CDK19: variants seen among roughly 807,000 people sequenced by gnomAD.
CDK19 encodes the protein cyclin-dependent kinase 19.
Under a neutral mutation model 68.3 loss-of-function variants are expected in CDK19, and 20 were observed. The observed-to-expected ratio is 0.29, with a 90% CI of 0.21 to 0.43. The LOEUF is 0.43. Ranked by LOEUF, CDK19 falls within the 20% of genes least tolerant of loss-of-function variation. The pLI, the probability that CDK19 is intolerant of heterozygous loss-of-function variation, is 1.00. For synonymous variants in CDK19, 221 were observed against 222.8 expected, an observed-to-expected ratio of 0.99 and a Z score of 0.07; for missense variants, 339 against 623.5, an observed-to-expected ratio of 0.54 and a Z score of 4.86.
intron 4 of CDK19, among the ~76,000 whole-genome samples, chr6:110,659,470 A>C (rs185726615): frequency 6.6e-6 from 1 of 152,358 alleles, no homozygotes; most frequent in African/African-American, 2.4e-5. Flanking sequence ...GTTACAATTC[A>C]GCAGAAATAC....
intron 12 of CDK19, among the ~76,000 whole-genome samples, chr6:110,617,688 C>T (rs1778419757): frequency 1.4e-5 from 2 of 146,480 alleles, no homozygotes; most frequent in African/African-American, 5.0e-5. Flanking sequence ...CACACACACA[C>T]ACACACACAC....
chr6:110,643,054 CTG>C (rs1562151737), intron 4 of CDK19: 1 of 420,310 alleles, frequency 2.4e-6, no homozygotes. Flanking sequence ...AGCAAGGACA[CTG>C]AGCCTTGGGC....
chr6:110,617,214 A>T (rs1162387137), intron 12 of CDK19, among the ~76,000 whole-genome samples: 1 of 152,186 alleles, frequency 6.6e-6, no homozygotes, highest in Admixed American at 6.5e-5. Flanking sequence ...AAACCTAAAA[A>T]TATTACTCTA....
At chr6:110,695,105 G>A (rs1773354809) in intron 2 of CDK19, among the ~76,000 whole-genome samples, 1 of 151,178 alleles carries the variant, frequency 6.6e-6, no homozygotes, top group Admixed American at 6.6e-5. Flanking sequence ...CCAGAGAGTA[G>A]GACAAGGAAA....
chr6:110,714,842 T>A (rs1391806646), intron 2 of CDK19, among the ~76,000 whole-genome samples: 1 of 150,500 alleles, frequency 6.6e-6, no homozygotes, highest in Non-Finnish European at 1.5e-5. Context: ...CAAGCAATTC[T>A]CCTGCCTCAG....
chr6:110,677,558 C>T (rs1771635230), intron 2 of CDK19, among the ~76,000 whole-genome samples: 3 of 147,616 alleles, frequency 2.0e-5, no homozygotes, highest in African/African-American at 7.6e-5. Context: ...AGAGAGAGAC[C>T]CCATCTCAAC....
Position 110,815,217 on chromosome 6 carries a change from C to T in CDK19, c.-81G>A. The T allele has an allele frequency of 7.2e-7, 1 of 1,395,418 alleles. No individual in the cohort carries two copies. Among genetic ancestry groups the T allele is most frequent in the Non-Finnish European group, 9.3e-7 (1 of 1,072,918 alleles). 86.4% of individuals were successfully genotyped at this position (1,395,418 alleles called of 1,614,324 possible). ...CCTCCTCCTCCCCCCGCGACCGCCGCTCCACTTCTCCAACAGCCGCCTCTC... is the reference window on the plus strand; with the variant it reads ...CCTCCTCCTCCCCCCGCGACCGCCGTTCCACTTCTCCAACAGCCGCCTCTC... On this transcript the variant is annotated 5_prime_UTR_variant, in exon 1 of 13. Coordinates refer to ENST00000368911, the MANE Select transcript of CDK19 (RefSeq NM_015076.5).
chr6:110,623,165 A>G (rs1778821281), intron 9 of CDK19, 125 bp downstream of exon 9: 1 of 805,798 alleles, frequency 1.2e-6, no homozygotes, highest in African/African-American at 1.7e-5. Flanking sequence ...TCAACAAAAA[A>G]AATATTTAAT....
intron 2 of CDK19, among the ~76,000 whole-genome samples, chr6:110,742,469 G>C (rs1777752465): frequency 6.6e-6 from 1 of 152,144 alleles, no homozygotes; most frequent in African/African-American, 2.4e-5. Context: ...GATTTTCAGG[G>C]AACAAGGGAA....
chr6:110,745,341 A>T (rs188024067), intron 2 of CDK19, among the ~76,000 whole-genome samples: 8 of 152,250 alleles, frequency 5.3e-5, no homozygotes, highest in Middle Eastern at 3.5e-3. Flanking sequence ...ATGTACTAGT[A>T]TGATATATAA....
At chr6:110,716,486 G>A (rs1227601270) in intron 2 of CDK19, among the ~76,000 whole-genome samples, 1 of 152,154 alleles carries the variant, frequency 6.6e-6, no homozygotes, top group Non-Finnish European at 1.5e-5. Context: ...CCCAGGTGAT[G>A]CTGGTGCTGA....
At chr6:110,664,882 G>A (rs1373073796) in intron 4 of CDK19, among the ~76,000 whole-genome samples, 3 of 152,206 alleles carry the variant, frequency 2.0e-5, no homozygotes, top group Non-Finnish European at 4.4e-5. Context: ...AAGACAGATA[G>A]TATTTGAATA....
intron 8 of CDK19, 31 bp from the exon 9 acceptor site, chr6:110,623,393 G>A (rs1778837092): frequency 1.9e-6 from 3 of 1,600,272 alleles, no homozygotes; most frequent in Non-Finnish European, 2.6e-6. Context: ...ACACATCACT[G>A]GGAACACTCA....
At chr6:110,734,832 A>C (rs1777117528) in intron 2 of CDK19, among the ~76,000 whole-genome samples, 1 of 152,136 alleles carries the variant, frequency 6.6e-6, no homozygotes, top group South Asian at 2.1e-4. Flanking sequence ...AACTGTATTC[A>C]CTACTACATC....
At position 110,814,881 on chromosome 6, in the gene CDK19, G is replaced by T. The variant is rs751633263; in HGVS notation, c.128+128C>A. 12 of 1,277,702 alleles carry T rather than the reference G, an allele frequency of 9.4e-6. No individual in the cohort carries two copies. In the South Asian group the frequency reaches 1.4e-4, roughly 15 times the overall value. The allele number at this position is 1,277,702 out of a possible 1,614,324, so 79.1% of individuals were successfully genotyped here. ...CGCCCCTCGGAGTCGGTGTCCGGAC[G>T]CAACCCCGCGACCCCCTCCGCCTCG... On this transcript the variant is annotated intron_variant, in intron 1 of 12. Coordinates refer to ENST00000368911, the MANE Select transcript of CDK19 (RefSeq NM_015076.5).
rs567861775 is a variant in CDK19 at position 110,681,163 on chromosome 6, C to T, written c.205-10622G>A. ...GAGTTCACGACTGGCCTGGCCAACA[C>T]GATGAAACCCCGTCTCTACTAAAAA... is the stretch of plus-strand genomic sequence containing the variant. On this transcript the variant is annotated intron_variant, in intron 2 of 12. Transcript: ENST00000368911. 2.6e-5 allele frequency among the ~76,000 whole-genome samples: 4 copies of T among 151,954 alleles called. No homozygotes were observed. In the South Asian group the frequency reaches 8.3e-4, roughly 32 times the overall value.
intron 4 of CDK19, among the ~76,000 whole-genome samples, chr6:110,640,911 C>T (rs937802490): frequency 4.6e-5 from 7 of 152,172 alleles, no homozygotes; most frequent in East Asian, 1.9e-4. Flanking sequence ...GAGCTGTGAG[C>T]GTGCCATTGC....
At chr6:110,798,628 GA>G (rs59236293) in intron 1 of CDK19, among the ~76,000 whole-genome samples, 634 of 56,740 alleles carry the variant, frequency 0.011, 2 homozygotes, top group Middle Eastern at 0.013. Flanking sequence ...TCTGTCTCCA[GA>G]AAAAAAAAAA....
At chr6:110,757,410 A>G (rs1291229242) in intron 1 of CDK19, among the ~76,000 whole-genome samples, 3 of 152,138 alleles carry the variant, frequency 2.0e-5, no homozygotes, top group Non-Finnish European at 4.4e-5. Flanking sequence ...ATGAAAAGAG[A>G]CTCAAAGCAT....
Sources: allele counts gnomAD v4.1 joint callset (sites outside exome capture counted in the v4.1 genomes callset), GRCh38; gene constraint gnomAD v4.1.1; transcripts MANE v1.5; gene names NCBI Gene and HGNC (gene_info 2026-07-23, HGNC 2026-07-21).